Variants in MCC observed in about 807,000 individuals in gnomAD.
MCC encodes MCC regulator of Wnt signaling pathway.
In MCC, 90 loss-of-function variants were observed where a neutral mutation model predicts 116.2. That is an observed-to-expected ratio of 0.77 (90% CI 0.65 to 0.92). The LOEUF is 0.92. MCC is among the 40% of genes least tolerant of loss of function. The pLI is 0.00. For synonymous variants in MCC, 578 were observed against 510.5 expected (o/e 1.13, Z -1.78); for missense variants, 1,516 against 1,312.2 (o/e 1.16, Z -2.40).
At chr5:113,084,500 T>C (rs1464619736) in intron 9 of MCC, among the ~76,000 whole-genome samples, 1 of 152,264 alleles carries the variant, frequency 6.6e-6, no homozygotes, top group Non-Finnish European at 1.5e-5. Flanking sequence ...ATCAAAAATG[T>C]CTCTAGACAT....
At chr5:113,433,953 G>T in intron 1 of MCC, 1 of 1,614,004 alleles carries the variant, frequency 6.2e-7, no homozygotes, top group Non-Finnish European at 8.5e-7. Flanking sequence ...GGTCCACAAG[G>T]GTTCAGTTCC....
chr5:113,108,947 C>A (rs183917497), intron 6 of MCC, among the ~76,000 whole-genome samples: 114 of 152,284 alleles, frequency 7.5e-4, no homozygotes, highest in Non-Finnish European at 1.1e-3. Flanking sequence ...GCTATTTTTC[C>A]CTGTTTGGAG....
intron 1 of MCC, among the ~76,000 whole-genome samples, chr5:113,459,133 A>ATGTGTATGTGTGTG (rs762493058): frequency 8.2e-4 from 56 of 68,356 alleles, no homozygotes; most frequent in African/African-American, 3.1e-3. Flanking sequence ...GAGTAAGGAT[A>ATGTGTATGTGTGTG]TGTGTGTGTG....
At chr5:113,394,762 T>G (rs1419761567) in intron 1 of MCC, among the ~76,000 whole-genome samples, 1 of 152,206 alleles carries the variant, frequency 6.6e-6, no homozygotes, top group Non-Finnish European at 1.5e-5. Context: ...TTGCTCAAGC[T>G]TCGATCACTT....
intron 3 of MCC, among the ~76,000 whole-genome samples, chr5:113,238,097 C>T (rs1038483153): frequency 1.3e-5 from 2 of 152,144 alleles, no homozygotes; most frequent in African/African-American, 4.8e-5. Context: ...TATCTGGCTT[C>T]CCTCATGGCA....
intron 3 of MCC, among the ~76,000 whole-genome samples, chr5:113,220,854 G>A (rs968451384): frequency 6.6e-6 from 1 of 152,178 alleles, no homozygotes; most frequent in African/African-American, 2.4e-5. Flanking sequence ...AACATCTAGT[G>A]CAATGTTGAA....
intron 3 of MCC, among the ~76,000 whole-genome samples, chr5:113,253,815 C>CAT (rs1035577741): frequency 1.1e-4 from 17 of 151,996 alleles, no homozygotes; most frequent in South Asian, 2.1e-4. Flanking sequence ...ACACAAAATA[C>CAT]ATATATAAAA....
intron 8 of MCC, among the ~76,000 whole-genome samples, chr5:113,090,190 C>T (rs984424388): frequency 2.0e-5 from 3 of 151,444 alleles, no homozygotes; most frequent in Non-Finnish European, 2.9e-5. Context: ...ACCTTTTTCT[C>T]GGGGAGAAAA....
Position 113,294,520 on chromosome 5 carries a change from T to C in MCC, c.627+45999A>G, listed in dbSNP as rs527760101. The stretch of plus-strand genomic sequence containing the variant: ...AGACAGCCATTTTCACCCAGGACAG[T>C]TGCGAAGCGCAAACGGAGGATGCAG... On this transcript the variant is annotated intron_variant, in intron 3 of 18. Transcript: ENST00000408903. 47 of 1,490,594 alleles carry C rather than the reference T, an allele frequency of 3.2e-5. 1 individual carries two copies. The highest frequency in any genetic ancestry group is 1.6e-4 in the South Asian group (12 of 74,004). The allele number at this position is 1,490,594 out of a possible 1,614,324, so 92.3% of individuals were successfully genotyped here.
At chr5:113,055,246 G>A (rs1399072062) in intron 14 of MCC, among the ~76,000 whole-genome samples, 1 of 152,124 alleles carries the variant, frequency 6.6e-6, no homozygotes, top group African/African-American at 2.4e-5. Flanking sequence ...CCAGAATCCT[G>A]TAGCTAGAAG....
intron 7 of MCC, among the ~76,000 whole-genome samples, chr5:113,103,312 T>C (rs867341077): frequency 3.9e-5 from 6 of 152,306 alleles, no homozygotes; most frequent in Non-Finnish European, 7.4e-5. Flanking sequence ...CTCCAGACCC[T>C]GTGGCTTTGT....
At chr5:113,238,124 C>A (rs1399426890) in intron 3 of MCC, among the ~76,000 whole-genome samples, 4 of 152,156 alleles carry the variant, frequency 2.6e-5, no homozygotes, top group African/African-American at 9.7e-5. Context: ...GCACTCACAG[C>A]AAAATGCATG....
chr5:113,468,562 T>G (rs1381416261), intron 1 of MCC, among the ~76,000 whole-genome samples: 2 of 152,180 alleles, frequency 1.3e-5, no homozygotes, highest in Admixed American at 6.5e-5. Context: ...AGCTTTTTGA[T>G]GTGCTGCTGG....
intron 17 of MCC, among the ~76,000 whole-genome samples, chr5:113,035,772 T>C (rs770579348): frequency 2.0e-5 from 3 of 152,112 alleles, no homozygotes; most frequent in Admixed American, 6.5e-5. Flanking sequence ...GCCTTACCAT[T>C]TCCTTCATAT....
intron 4 of MCC, among the ~76,000 whole-genome samples, chr5:113,147,405 T>C (rs1441501301): frequency 2.0e-5 from 3 of 152,182 alleles, no homozygotes; most frequent in African/African-American, 7.2e-5. Context: ...TTAATGTTCT[T>C]CACCGGGTTT....
intron 16 of MCC, among the ~76,000 whole-genome samples, chr5:113,045,606 C>T (rs1265857859): frequency 1.3e-5 from 2 of 152,006 alleles, no homozygotes; most frequent in Non-Finnish European, 2.9e-5. Context: ...TTGAGACCAG[C>T]CTGACCAACA....
intron 1 of MCC, chr5:113,435,017 A>C (rs1358897042): frequency 2.8e-6 from 2 of 710,618 alleles, no homozygotes; most frequent in African/African-American, 3.6e-5. Context: ...CTCCCAGATG[A>C]CTTCAGCGAG....
At chr5:113,350,436 A>AT (rs1768240979) in intron 2 of MCC, among the ~76,000 whole-genome samples, 1 of 152,138 alleles carries the variant, frequency 6.6e-6, no homozygotes, top group Non-Finnish European at 1.5e-5. Context: ...AAGAACATAC[A>AT]TTAAGGAAGA....
intron 5 of MCC, among the ~76,000 whole-genome samples, chr5:113,137,180 CAGCAGGATAG>C (rs1428100389): frequency 2.6e-5 from 4 of 152,160 alleles, no homozygotes; most frequent in Admixed American, 6.5e-5. Context: ...CTTCTCAAGG[CAGCAGGATAG>C]AGTGTAAGCA....
Sources: allele counts gnomAD v4.1 joint callset (sites outside exome capture counted in the v4.1 genomes callset), GRCh38; gene constraint gnomAD v4.1.1; transcripts MANE v1.5; gene names NCBI Gene and HGNC (gene_info 2026-07-23, HGNC 2026-07-21).